PRKDC: variants seen among roughly 807,000 people sequenced by gnomAD.
PRKDC encodes protein kinase, DNA-activated, catalytic subunit, also known as DNA-dependent protein kinase catalytic subunit.
PRKDC carries 82 observed loss-of-function variants against 486.9 expected under a neutral mutation model. The observed-to-expected ratio is 0.17, with a 90% confidence interval of 0.14 to 0.20. The LOEUF is 0.20. Among genes scored for constraint, PRKDC ranks in the 10% least tolerant of loss-of-function variants. The pLI is 1.00. For synonymous variants in PRKDC, 1,895 were observed against 1,837.0 expected (o/e 1.03, Z -0.81); for missense variants, 4,504 against 5,038.2 (o/e 0.89, Z 3.21).
chr8:47,779,364 C>T, intron 80 of PRKDC: 1 of 330,128 alleles, frequency 3.0e-6, no homozygotes, highest in Non-Finnish European at 5.5e-6. Context: ...CAACAAATTT[C>T]CCACTGACAT....
At chr8:47,797,295 GA>G (rs1224010527) in intron 73 of PRKDC, among the ~76,000 whole-genome samples, 1 of 151,964 alleles carries the variant, frequency 6.6e-6, no homozygotes, top group Admixed American at 6.6e-5. Flanking sequence ...TATTATATTG[GA>G]AAAAAATAAA....
chr8:47,885,672 C>A (rs1311577922), intron 36 of PRKDC, among the ~76,000 whole-genome samples: 3 of 152,004 alleles, frequency 2.0e-5, no homozygotes, highest in Non-Finnish European at 2.9e-5. Context: ...CTGGGCGGAT[C>A]ACGAGGTCAG....
At chr8:47,953,569 G>C in intron 7 of PRKDC, 51 bp downstream of exon 7, 2 of 1,472,516 alleles carry the variant, frequency 1.4e-6, no homozygotes, top group South Asian at 2.4e-5. Context: ...GGCATTGCTG[G>C]TTAGACTTAC....
At chr8:47,878,598 T>C (rs2089140421) in intron 39 of PRKDC, among the ~76,000 whole-genome samples, 1 of 152,206 alleles carries the variant, frequency 6.6e-6, no homozygotes, top group Non-Finnish European at 1.5e-5. Flanking sequence ...GCTCCCCCGA[T>C]GTTCTCATCT....
Position 47,943,336 on chromosome 8 carries a change from G to C in PRKDC, c.839C>G (p.Ser280Cys). The change falls in exon 10 of 86, where the codon TCT (serine) becomes TGT (cysteine). Residue 280 changes from serine to cysteine, a missense_variant. By Grantham distance (112) the Ser-to-Cys change is moderately radical (BLOSUM62 -1). This residue lies in a region of PRKDC where 1,969 missense variants were observed against 2,068.9 expected (regional missense o/e 0.95). Coordinates refer to ENST00000314191, the MANE Select transcript of PRKDC (RefSeq NM_006904.7). The part of the protein sequence containing the change: ...AGLRLFALHA[S>C]QFSTCLLDNY... ...GTCCAGAAGGCAGGTGCTAAACTGA[G>C]ATGCATGCAGGGCAAATAGGCGCAA... 2 of 1,609,884 alleles carry C rather than the reference G, an allele frequency of 1.2e-6. No individual in the cohort carries two copies. Among genetic ancestry groups the C allele is most frequent in the Non-Finnish European group, 1.7e-6 (2 of 1,178,398 alleles).
chr8:47,942,823 C>T (rs1255531262), intron 10 of PRKDC, among the ~76,000 whole-genome samples: 1 of 152,218 alleles, frequency 6.6e-6, no homozygotes, highest in Non-Finnish European at 1.5e-5. Context: ...CAAAGAGGCA[C>T]CCCTTGTTTT....
chr8:47,776,430 A>G (rs1448933767), intron 85 of PRKDC, among the ~76,000 whole-genome samples: 1 of 152,218 alleles, frequency 6.6e-6, no homozygotes, highest in Non-Finnish European at 1.5e-5. Context: ...ACCCAAATTG[A>G]ATTCTCATCT....
rs769901063 is a variant in PRKDC at position 47,831,865 on chromosome 8, C to T, written c.8214G>A (p.Lys2738=). 4 of 1,614,028 alleles carry T rather than the reference C, an allele frequency of 2.5e-6. No individual in the cohort carries two copies. Among genetic ancestry groups the T allele is most frequent in the South Asian group, 2.2e-5 (2 of 91,088 alleles). ...LRRRFMRDQE[K]LSLMYARKGV... ...CTTTTCTGGCATACATCAAACTGAG[C>T]TTCTCCTGGTCCCTCATAAACCGTC... The change falls in exon 60 of 86, where the codon AAG becomes AAA. Residue 2738 remains lysine, a synonymous_variant. Transcript: ENST00000314191.
intron 10 of PRKDC, among the ~76,000 whole-genome samples, chr8:47,942,761 G>A (rs907376108): frequency 6.6e-6 from 1 of 152,126 alleles, no homozygotes; most frequent in Non-Finnish European, 1.5e-5. Flanking sequence ...TTCCACATAC[G>A]CAGGTACAGA....
intron 25 of PRKDC, among the ~76,000 whole-genome samples, chr8:47,910,654 C>G (rs529329668): frequency 1.3e-5 from 2 of 152,126 alleles, no homozygotes; most frequent in Non-Finnish European, 1.5e-5. Flanking sequence ...TCAGATTATT[C>G]TTTTAAGTTC....
chr8:47,958,753 T>TG (rs1172006408), intron 1 of PRKDC, among the ~76,000 whole-genome samples: 85 of 150,830 alleles, frequency 5.6e-4, no homozygotes, highest in African/African-American at 1.5e-3. Flanking sequence ...TTTTTTTTTT[T>TG]GGGACGGAGT....
Position 47,849,308 on chromosome 8 carries a change from C to T in PRKDC, c.7131-5G>A, listed in dbSNP as rs759566902. ...AAGAACACAGCATTCATGAACCTGGCGGGGAAGGGAACTGGTGAGAGGAGG... is the reference window on the plus strand; with the variant it reads ...AAGAACACAGCATTCATGAACCTGGTGGGGAAGGGAACTGGTGAGAGGAGG... On this transcript the variant is annotated splice_region_variant and splice_polypyrimidine_tract_variant and intron_variant, in intron 53 of 85. Coordinates refer to ENST00000314191, the MANE Select transcript of PRKDC (RefSeq NM_006904.7). 15 of 1,613,668 alleles carry T rather than the reference C, an allele frequency of 9.3e-6. No homozygotes were observed. Among genetic ancestry groups the T allele is most frequent in the East Asian group, 6.7e-5 (3 of 44,886 alleles).
rs761702439 is a variant in PRKDC, at chr8:47,782,531, T to C, written c.11243A>G (p.His3748Arg). Residue 3748 changes from histidine to arginine, a missense_variant, in exon 79 of 86, where the codon CAC becomes CGC. By Grantham distance (29) the His-to-Arg change is conservative. Around this residue, in one of 6 missense-constraint regions of PRKDC, gnomAD observed 706 missense variants for 945.0 expected, o/e 0.75. Coordinates refer to ENST00000314191, the MANE Select transcript of PRKDC (RefSeq NM_006904.7). This position sits in a 1 kb window ranked among gnomAD's most constrained non-coding sequence, Gnocchi z 4.9. The part of the protein sequence containing the change: ...IIIRGHDERE[H>R]PFLVKGGEDL... ...CTCGCCACCCTTCACCAGGAAAGGG[T>C]GTTCCCTCTCGTCATGGCCACGGAT... 6.3e-7 allele frequency: 1 copy of C among 1,575,856 alleles called. No homozygotes were observed. The highest frequency in any genetic ancestry group is 2.3e-5 in the East Asian group (1 of 42,864).
chr8:47,803,197 A>G, intron 70 of PRKDC, 109 bp downstream of exon 70: 2 of 1,125,122 alleles, frequency 1.8e-6, no homozygotes, highest in Admixed American at 3.0e-5. Flanking sequence ...AATTACTGCA[A>G]AGATTTACCT....
intron 16 of PRKDC, among the ~76,000 whole-genome samples, chr8:47,931,093 G>T (rs1041866898): frequency 7.2e-5 from 11 of 152,148 alleles, no homozygotes; most frequent in African/African-American, 1.7e-4. Flanking sequence ...AATTTTAATA[G>T]GTGACCTAGA....
intron 68 of PRKDC, among the ~76,000 whole-genome samples, chr8:47,813,320 A>G (rs1479852789): frequency 1.3e-5 from 2 of 152,002 alleles, no homozygotes; most frequent in South Asian, 2.1e-4. Flanking sequence ...GCTTCACCAT[A>G]TTGGCCAGGC....
chr8:47,792,328 G>A (rs373394973), intron 74 of PRKDC, among the ~76,000 whole-genome samples: 2 of 148,510 alleles, frequency 1.3e-5, no homozygotes, highest in African/African-American at 2.5e-5. Flanking sequence ...GCTTGATCTC[G>A]GCTCACTGCA....
At position 47,862,495 on chromosome 8, in the gene PRKDC, G is replaced by A; in HGVS notation, c.5797C>T (p.Leu1933=). The A allele has an allele frequency of 6.2e-7, 1 of 1,613,646 alleles. No individual in the cohort carries two copies. The highest frequency in any genetic ancestry group is 1.1e-5 in the South Asian group (1 of 91,046). ...TGGTAAAGTCTTCTCCTCTCCAGCAGCTGATTCTCTCCTGCCATGTTCTCT... is the reference window on the plus strand; with the variant it reads ...TGGTAAAGTCTTCTCCTCTCCAGCAACTGATTCTCTCCTGCCATGTTCTCT... ...FTENMAGENQ[L]LERRRLYHCA... The change falls in exon 43 of 86, where the codon CTG becomes TTG. Residue 1933 remains leucine (L), a synonymous_variant. Coordinates refer to ENST00000314191, the MANE Select transcript of PRKDC (RefSeq NM_006904.7).
At chr8:47,948,124 A>ACG (rs1554646786) in intron 7 of PRKDC, among the ~76,000 whole-genome samples, 46 of 148,628 alleles carry the variant, frequency 3.1e-4, no homozygotes, top group African/African-American at 1.1e-3. Flanking sequence ...ACACACACAC[A>ACG]CGCGTTTATA....
Sources: allele counts gnomAD v4.1 joint callset (sites outside exome capture counted in the v4.1 genomes callset), GRCh38; gene constraint gnomAD v4.1.1; regional missense constraint gnomAD v4.1.1; non-coding constraint Gnocchi (gnomAD v3.1); transcripts MANE v1.5; gene names NCBI Gene and HGNC (gene_info 2026-07-23, HGNC 2026-07-21).